Variants in CNTN5 observed in about 807,000 individuals in gnomAD.
CNTN5 encodes the protein contactin 5.
A neutral mutation model predicts 129.1 loss-of-function variants in CNTN5; 77 were observed. That is an observed-to-expected ratio of 0.60 (90% CI 0.50 to 0.72). The LOEUF is 0.72. CNTN5 is among the 30% of genes least tolerant of loss of function. The pLI, the probability that CNTN5 is intolerant of heterozygous loss-of-function variation, is 0.00. For synonymous variants in CNTN5, 509 were observed against 465.6 expected, an observed-to-expected ratio of 1.09 and a Z score of -1.20; for missense variants, 1,478 against 1,328.8, an observed-to-expected ratio of 1.11 and a Z score of -1.75.
At chr11:100,163,869 A>G (rs1393092315) in intron 13 of CNTN5, among the ~76,000 whole-genome samples, 1 of 151,870 alleles carries the variant, frequency 6.6e-6, no homozygotes, top group African/African-American at 2.4e-5. Context: ...ACACTTTAAA[A>G]AGGACTTCAT....
chr11:100,347,577 G>C (rs1025737045), intron 23 of CNTN5, among the ~76,000 whole-genome samples: 1 of 152,048 alleles, frequency 6.6e-6, no homozygotes, highest in Non-Finnish European at 1.5e-5. Flanking sequence ...TGGGGAGATA[G>C]AGTTAGAAAG....
chr11:99,957,738 C>A (rs1048019287), intron 8 of CNTN5, among the ~76,000 whole-genome samples: 1 of 151,996 alleles, frequency 6.6e-6, no homozygotes, highest in Non-Finnish European at 1.5e-5. Flanking sequence ...AAAAAATAAT[C>A]TATTTAAGTG....
intron 3 of CNTN5, among the ~76,000 whole-genome samples, chr11:99,608,329 A>C (rs537542502): frequency 6.6e-6 from 1 of 152,280 alleles, no homozygotes; most frequent in African/African-American, 2.4e-5. Flanking sequence ...TGTCAGCAAG[A>C]ATGATCAGGT....
intron 13 of CNTN5, among the ~76,000 whole-genome samples, chr11:100,152,404 G>A (rs552750029): frequency 2.0e-5 from 3 of 151,958 alleles, no homozygotes; most frequent in Non-Finnish European, 4.4e-5. Flanking sequence ...TCTAATTCAC[G>A]TACTGCCAAA....
intron 13 of CNTN5, among the ~76,000 whole-genome samples, chr11:100,105,288 C>A (rs1945384239): frequency 6.6e-6 from 1 of 152,156 alleles, no homozygotes; most frequent in Non-Finnish European, 1.5e-5. Flanking sequence ...AGACTCCATG[C>A]AGCAGAATAC....
intron 2 of CNTN5, among the ~76,000 whole-genome samples, chr11:99,369,049 C>T (rs566436623): frequency 6.6e-6 from 1 of 151,552 alleles, no homozygotes; most frequent in African/African-American, 2.4e-5. Flanking sequence ...TTCCCTGCCA[C>T]AGAGTCTGAG....
intron 13 of CNTN5, among the ~76,000 whole-genome samples, chr11:100,143,448 C>T (rs1176686275): frequency 2.6e-5 from 4 of 152,064 alleles, no homozygotes; most frequent in East Asian, 1.9e-4. Context: ...AAATGAGACT[C>T]GCTGGGCAAA....
intron 8 of CNTN5, among the ~76,000 whole-genome samples, chr11:99,961,934 C>G (rs1950957112): frequency 6.6e-6 from 1 of 152,026 alleles, no homozygotes; most frequent in Non-Finnish European, 1.5e-5. Flanking sequence ...GAACTCACAC[C>G]AACTTGCAAA....
At chr11:99,348,200 G>A (rs1453279673) in intron 2 of CNTN5, among the ~76,000 whole-genome samples, 8 of 152,116 alleles carry the variant, frequency 5.3e-5, no homozygotes, top group South Asian at 4.2e-4. Flanking sequence ...TTAGCCAGGC[G>A]TGGTGGCAGG....
chr11:99,202,836 TA>T (rs1859278328), intron 1 of CNTN5, among the ~76,000 whole-genome samples: 1 of 151,658 alleles, frequency 6.6e-6, no homozygotes, highest in Non-Finnish European at 1.5e-5. Context: ...TACTTCTAGG[TA>T]TTAAAATATT....
chr11:99,551,037 A>AACTGC (rs1238398471), intron 2 of CNTN5, among the ~76,000 whole-genome samples: 27 of 152,180 alleles, frequency 1.8e-4, no homozygotes, highest in African/African-American at 6.0e-4. Flanking sequence ...GCATAAAAAT[A>AACTGC]ATGAAAGCCT....
intron 1 of CNTN5, among the ~76,000 whole-genome samples, chr11:99,042,645 G>A (rs890035396): frequency 2.0e-5 from 3 of 151,702 alleles, no homozygotes; most frequent in Admixed American, 6.6e-5. Context: ...AAATTGTTGG[G>A]ATTACAGGCG....
intron 3 of CNTN5, among the ~76,000 whole-genome samples, chr11:99,695,229 G>A (rs896923843): frequency 4.6e-5 from 7 of 151,806 alleles, no homozygotes; most frequent in African/African-American, 1.5e-4. Context: ...ACTAAGTCAG[G>A]GAAGCAACTT....
intron 13 of CNTN5, among the ~76,000 whole-genome samples, chr11:100,153,567 A>G (rs1425190014): frequency 6.6e-6 from 1 of 152,100 alleles, no homozygotes; most frequent in Non-Finnish European, 1.5e-5. Flanking sequence ...TCTATAGAAA[A>G]TTATAAAAGC....
intron 9 of CNTN5, among the ~76,000 whole-genome samples, chr11:100,037,735 G>C (rs1235427622): frequency 2.0e-5 from 3 of 152,152 alleles, no homozygotes; most frequent in African/African-American, 4.8e-5. Flanking sequence ...ATTTCTTCTA[G>C]ATTTTCTAGT....
intron 2 of CNTN5, among the ~76,000 whole-genome samples, chr11:99,437,823 AAAAC>A (rs1272496327): frequency 2.6e-5 from 4 of 152,176 alleles, no homozygotes; most frequent in East Asian, 1.9e-4. Context: ...ACAACATCTC[AAAAC>A]AAACAAACAA....
At chr11:99,576,023 T>A (rs1470833048) in intron 3 of CNTN5, among the ~76,000 whole-genome samples, 1 of 152,126 alleles carries the variant, frequency 6.6e-6, no homozygotes, top group Non-Finnish European at 1.5e-5. Flanking sequence ...CAGCTAAAAC[T>A]TGTGGCCTGT....
intron 3 of CNTN5, among the ~76,000 whole-genome samples, chr11:99,671,864 T>A (rs928416928): frequency 6.6e-6 from 1 of 152,156 alleles, no homozygotes; most frequent in Non-Finnish European, 1.5e-5. Flanking sequence ...GTTAAAGAAA[T>A]ACTATACCTG....
intron 1 of CNTN5, among the ~76,000 whole-genome samples, chr11:99,311,109 A>T (rs536683852): frequency 6.6e-6 from 1 of 151,980 alleles, no homozygotes; most frequent in Non-Finnish European, 1.5e-5. Flanking sequence ...TTGTATTTTT[A>T]GTAGAGACTG....
Sources: allele counts gnomAD v4.1 joint callset (sites outside exome capture counted in the v4.1 genomes callset), GRCh38; gene constraint gnomAD v4.1.1; transcripts MANE v1.5; gene names NCBI Gene and HGNC (gene_info 2026-07-23, HGNC 2026-07-21).